TRPS1: variants seen among roughly 807,000 people sequenced by gnomAD.
The protein encoded by TRPS1 is transcriptional repressor GATA binding 1.
TRPS1 carries 6 observed loss-of-function variants against 101.2 expected under a neutral mutation model. The ratio of observed to expected loss-of-function variants is 0.06; its 90% confidence interval spans 0.03 to 0.12. The LOEUF (loss-of-function observed/expected upper bound fraction) is 0.12. TRPS1 is among the 10% of genes least tolerant of loss of function. The pLI is 1.00. For missense variants in TRPS1, 1,363 were observed against 1,567.0 expected (o/e 0.87, Z 2.20); for synonymous variants, 578 against 589.8 (o/e 0.98, Z 0.29).
At chr8:115,480,894 C>A (rs1006173984) in intron 5 of TRPS1, among the ~76,000 whole-genome samples, 4 of 151,994 alleles carry the variant, frequency 2.6e-5, no homozygotes, top group African/African-American at 9.7e-5. Context: ...ACGTGCATGT[C>A]AGCCATTAAA....
At chr8:115,659,939 T>C (rs2130626542) in intron 1 of TRPS1, among the ~76,000 whole-genome samples, 1 of 152,122 alleles carries the variant, frequency 6.6e-6, no homozygotes, top group African/African-American at 2.4e-5. Context: ...GTGCCTGTAA[T>C]GTAAAAACAT....
At chr8:115,668,503 C>A (rs1811987805) in intron 1 of TRPS1, 42 bp downstream of exon 1, 1 of 145,834 alleles carries the variant, frequency 6.9e-6, no homozygotes, top group African/African-American at 2.5e-5. Flanking sequence ...GCGCCCCCCG[C>A]AGCCCCCGGC....
At chr8:115,515,596 G>T (rs74905231) in intron 5 of TRPS1, among the ~76,000 whole-genome samples, 1 of 100 alleles carries the variant, frequency 0.01, no homozygotes, top group Admixed American at 0.5. Flanking sequence ...AAAAATTTTT[G>T]GTAATTGTAA....
intron 5 of TRPS1, among the ~76,000 whole-genome samples, chr8:115,506,140 A>G (rs1435959368): frequency 6.6e-6 from 1 of 152,100 alleles, no homozygotes; most frequent in African/African-American, 2.4e-5. Context: ...ACAGGTTTCT[A>G]AAAGTTATTG....
intron 5 of TRPS1, among the ~76,000 whole-genome samples, chr8:115,543,540 A>G (rs1419526691): frequency 6.6e-6 from 1 of 152,206 alleles, no homozygotes; most frequent in East Asian, 1.9e-4. Context: ...TTTAAAAAAT[A>G]TATATCTATA....
Position 115,487,382 on chromosome 8 carries a change from T to C in TRPS1, c.2701-68930A>G, listed in dbSNP as rs1814909844. Among the ~76,000 whole-genome samples the C allele has an allele frequency of 1.5e-5, 2 of 137,426 alleles. 1 individual carries two copies. The highest frequency in any genetic ancestry group is 4.6e-4 in the South Asian group (2 of 4,378). 90.2% of individuals were successfully genotyped at this position (137,426 alleles called of 152,430 possible). ...TTCATTCCTGCAAAGACAGTATTTATCCTGCAGCCTGTGGACCCCAGGAGT... is the reference window on the plus strand; with the variant it reads ...TTCATTCCTGCAAAGACAGTATTTACCCTGCAGCCTGTGGACCCCAGGAGT... On this transcript the variant is annotated intron_variant, in intron 5 of 6. Transcript: ENST00000395715.
chr8:115,528,962 A>G (rs1354523580), intron 5 of TRPS1, among the ~76,000 whole-genome samples: 1 of 152,124 alleles, frequency 6.6e-6, no homozygotes, highest in Non-Finnish European at 1.5e-5. Context: ...CAAGGTACAC[A>G]ATGGTTACCG....
chr8:115,509,555 C>A (rs1815529213), intron 5 of TRPS1: 1 of 151,996 alleles, frequency 6.6e-6, no homozygotes, highest in African/African-American at 2.4e-5. Context: ...ATCTGCAATG[C>A]AGTAAATGGT....
intron 5 of TRPS1, among the ~76,000 whole-genome samples, chr8:115,446,710 T>C (rs1813746445): frequency 6.6e-6 from 1 of 152,174 alleles, no homozygotes; most frequent in African/African-American, 2.4e-5. Flanking sequence ...AGCTAAAGAA[T>C]TTATAGATAA....
chr8:115,468,100 C>A (rs541551254), intron 5 of TRPS1, among the ~76,000 whole-genome samples: 3 of 152,032 alleles, frequency 2.0e-5, no homozygotes, highest in Admixed American at 2.0e-4. Flanking sequence ...TTTCAATTTC[C>A]GAAATACGAA....
rs1586250589 is a variant in TRPS1 at position 115,415,032 on chromosome 8, C to T, written c.2876G>A (p.Arg959Lys). ...IKQNNGEQIIRRRTRKRLNPE... is the reference protein window; with the variant it reads ...IKQNNGEQIIKRRTRKRLNPE... ...GTTAAGGCGCTTTCTTGTTCTCCTC[C>T]TAATAATCTGCTCACCGTTGTTTTG... Residue 959 changes from arginine to lysine, a missense_variant, in exon 7 of 7, where the codon AGG becomes AAG. Transcript: ENST00000395715. 3 of 1,588,900 alleles carry T rather than the reference C, an allele frequency of 1.9e-6. No homozygotes were observed. The highest frequency in any genetic ancestry group is 2.6e-6 in the Non-Finnish European group (3 of 1,172,430).
At chr8:115,644,678 A>T (rs1318321068) in intron 1 of TRPS1, among the ~76,000 whole-genome samples, 1 of 152,210 alleles carries the variant, frequency 6.6e-6, no homozygotes, top group Non-Finnish European at 1.5e-5. Context: ...CAAGAGGCCT[A>T]GTTTTTGGCT....
chr8:115,625,137 CTT>C (rs1374701841), intron 1 of TRPS1, among the ~76,000 whole-genome samples: 1 of 151,884 alleles, frequency 6.6e-6, no homozygotes, highest in Non-Finnish European at 1.5e-5. Flanking sequence ...ATGAGAAACT[CTT>C]TGAAGGTAAG....
intron 5 of TRPS1, among the ~76,000 whole-genome samples, chr8:115,525,937 T>C (rs1815985484): frequency 6.6e-6 from 1 of 152,186 alleles, no homozygotes; most frequent in Admixed American, 6.5e-5. Flanking sequence ...AGCAAATCTT[T>C]CAGCTAAAAT....
chr8:115,604,553 G>A lies in TRPS1; in HGVS notation c.1416C>T (p.His472=), dbSNP rs186297164. The A allele has an allele frequency of 6.4e-5, 104 of 1,613,994 alleles. No individual in the cohort carries two copies. The highest frequency in any genetic ancestry group is 3.3e-4 in the Middle Eastern group (2 of 6,062). The change falls in exon 4 of 7, where the codon CAC becomes CAT. Residue 472 remains histidine (H), a synonymous_variant. Transcript: ENST00000395715. This position sits in a 1 kb window ranked among gnomAD's most constrained non-coding sequence, Gnocchi z 4.1. ...LKLLEHYGKQ[H]GAVQSGGLNP... is the part of the protein sequence containing the mutation. ...TAAGGCCGCCTGACTGCACTGCTCC[G>A]TGCTGCTTGCCATAATGTTCTAGCA...
intron 1 of TRPS1, among the ~76,000 whole-genome samples, chr8:115,647,366 G>A (rs750224017): frequency 6.6e-6 from 1 of 152,106 alleles, no homozygotes; most frequent in Non-Finnish European, 1.5e-5. Flanking sequence ...TGTAAAGAAG[G>A]CAAAAACTTG....
Position 115,569,989 on chromosome 8 carries a change from T to C in TRPS1, c.2700+17012A>G, listed in dbSNP as rs897919033. On this transcript the variant is annotated intron_variant, in intron 5 of 6. Coordinates refer to ENST00000395715, the MANE Select transcript of TRPS1 (RefSeq NM_014112.5). ...AGACTTTTTAGGTTTGAACTGAAAC[T>C]TTTAAAACCTAGAAATGCACTGGCA... is the stretch of plus-strand genomic sequence containing the variant. Among the ~76,000 whole-genome samples, 4 of 152,228 alleles carry C rather than the reference T, an allele frequency of 2.6e-5. No individual in the cohort carries two copies. The East Asian group carries it at 7.7e-4, about 29-fold the overall frequency.
chr8:115,636,860 C>T (rs150306600), intron 1 of TRPS1, among the ~76,000 whole-genome samples: 1,655 of 151,308 alleles, frequency 0.011, 43 homozygotes, highest in African/African-American at 0.039. Context: ...TACAGTGAGC[C>T]GAGACAGCAC....
Position 115,523,125 on chromosome 8 carries a change from A to G in TRPS1, c.2700+63876T>C, listed in dbSNP as rs569865892. ...TAGGGGAGAAAAAAAAATTGTTCTC[A>G]GAGAATCCCAACATATCCCAAAATA... is the stretch of plus-strand genomic sequence containing the variant. On this transcript the variant is annotated intron_variant, in intron 5 of 6. Coordinates refer to ENST00000395715, the MANE Select transcript of TRPS1 (RefSeq NM_014112.5). Among the ~76,000 whole-genome samples the G allele has an allele frequency of 2.9e-4, 44 of 152,266 alleles. No individual in the cohort carries two copies. The South Asian group carries it at 8.1e-3, about 28-fold the overall frequency.
Sources: gnomAD v4.1 joint callset for allele counts (sites outside exome capture counted in the v4.1 genomes callset) on GRCh38, gnomAD v4.1.1 for gene constraint, Gnocchi (gnomAD v3.1) non-coding constraint, MANE v1.5 for transcripts, NCBI Gene and HGNC (gene_info 2026-07-23, HGNC 2026-07-21) for gene names.